Variants in ADARB2 observed in about 807,000 individuals in gnomAD.
ADARB2 encodes adenosine deaminase RNA specific B2 (inactive).
ADARB2 carries 25 observed loss-of-function variants against 62.2 expected under a neutral mutation model. The ratio of observed to expected loss-of-function variants is 0.40; its 90% CI spans 0.29 to 0.56. ADARB2 has a LOEUF of 0.56. Ranked by LOEUF, ADARB2 falls within the 20% of genes least tolerant of loss-of-function variation. The pLI is 0.43. For missense variants in ADARB2, 1,071 were observed against 1,077.4 expected (o/e 0.99, Z 0.08); for synonymous variants, 572 against 500.8 (o/e 1.14, Z -1.90).
intron 1 of ADARB2, among the ~76,000 whole-genome samples, chr10:1,525,706 G>A (rs931447456): frequency 6.6e-6 from 1 of 152,212 alleles, no homozygotes; most frequent in Non-Finnish European, 1.5e-5. Context: ...GCTAGCCGAG[G>A]CAGCTGGCCT....
chr10:1,528,989 T>C (rs1217985173), intron 1 of ADARB2, among the ~76,000 whole-genome samples: 3 of 152,170 alleles, frequency 2.0e-5, no homozygotes, highest in Non-Finnish European at 4.4e-5. Flanking sequence ...TTTGGACTAG[T>C]TTTTGGGACA....
At chr10:1,347,015 G>A (rs2387651) in intron 3 of ADARB2, among the ~76,000 whole-genome samples, 5 of 152,194 alleles carry the variant, frequency 3.3e-5, no homozygotes, top group Admixed American at 2.0e-4. Context: ...ATCTTAACAC[G>A]GGTTCTATTT....
At position 1,426,968 on chromosome 10, in the gene ADARB2, G is replaced by T. The variant is rs1199769269; in HGVS notation, c.101-47808C>A. ...TCGGGAAGAGGCCACAGAGCTATGT[G>T]TCGGCCCCACGCTTGGGCAGACCAC... On this transcript the variant is annotated intron_variant, in intron 1 of 9. Coordinates refer to ENST00000381312, the MANE Select transcript of ADARB2 (RefSeq NM_018702.4). This position sits in a 1 kb window ranked among gnomAD's most constrained non-coding sequence, Gnocchi z 4.1. Among the ~76,000 whole-genome samples the T allele has an allele frequency of 2.0e-5, 3 of 152,266 alleles. No individual in the cohort carries two copies. Among genetic ancestry groups the T allele is most frequent in the Non-Finnish European group, 2.9e-5 (2 of 68,052 alleles).
chr10:1,347,905 T>G (rs1832095056), intron 3 of ADARB2, among the ~76,000 whole-genome samples: 1 of 151,174 alleles, frequency 6.6e-6, no homozygotes, highest in African/African-American at 2.4e-5. Context: ...CAGAGAGGGA[T>G]ACGGAGACAG....
At chr10:1,355,850 T>C (rs904096535) in intron 3 of ADARB2, among the ~76,000 whole-genome samples, 4 of 152,240 alleles carry the variant, frequency 2.6e-5, no homozygotes, top group African/African-American at 9.6e-5. Context: ...ATGCTGTACA[T>C]TGTATATATG....
chr10:1,447,971 G>T (rs577616372), intron 1 of ADARB2, among the ~76,000 whole-genome samples: 2 of 152,258 alleles, frequency 1.3e-5, no homozygotes, highest in South Asian at 2.1e-4. Context: ...TCTGTATCCA[G>T]TCTACCACTG....
At chr10:1,582,051 A>G (rs1833110257) in intron 1 of ADARB2, among the ~76,000 whole-genome samples, 1 of 152,190 alleles carries the variant, frequency 6.6e-6, no homozygotes, top group Non-Finnish European at 1.5e-5. Flanking sequence ...GTCCGAGCAG[A>G]CCTTCTTAAT....
intron 1 of ADARB2, among the ~76,000 whole-genome samples, chr10:1,575,880 T>TC (rs1283655539): frequency 5.3e-5 from 7 of 132,264 alleles, no homozygotes; most frequent in African/African-American, 2.0e-4. Flanking sequence ...AGGAAACCCT[T>TC]CCTGTCAGAG....
intron 1 of ADARB2, among the ~76,000 whole-genome samples, chr10:1,413,686 G>T (rs759466307): frequency 6.6e-6 from 1 of 152,186 alleles, no homozygotes; most frequent in Non-Finnish European, 1.5e-5. Context: ...CGGGCCTTCT[G>T]TTCTGCCCAG....
chr10:1,266,972 A>G (rs1831210612), intron 4 of ADARB2, among the ~76,000 whole-genome samples: 1 of 152,208 alleles, frequency 6.6e-6, no homozygotes, highest in African/African-American at 2.4e-5. Flanking sequence ...TGAAGAGACA[A>G]ATTTTAAAAG....
At position 1,212,285 on chromosome 10, in the gene ADARB2, C is replaced by T. The variant is rs1002463116; in HGVS notation, c.1682+4666G>A. On this transcript the variant is annotated intron_variant, in intron 7 of 9. Coordinates refer to ENST00000381312, the MANE Select transcript of ADARB2 (RefSeq NM_018702.4). ...ATGGTCTCTCTGTACAAATAATGCACGGCCCAGATGCTTATGGTCTGGAAT... is the reference window on the plus strand; with the variant it reads ...ATGGTCTCTCTGTACAAATAATGCATGGCCCAGATGCTTATGGTCTGGAAT... Among the ~76,000 whole-genome samples the T allele has an allele frequency of 3.9e-5, 6 of 152,224 alleles. No individual in the cohort carries two copies. The East Asian group carries it at 9.6e-4, about 24-fold the overall frequency.
At chr10:1,381,658 T>TA (rs1267153990) in intron 1 of ADARB2, among the ~76,000 whole-genome samples, 2 of 152,074 alleles carry the variant, frequency 1.3e-5, no homozygotes, top group African/African-American at 4.8e-5. Flanking sequence ...TAGGCAGCCT[T>TA]AAAAAAAGGG....
chr10:1,462,835 T>C (rs1277147796), intron 1 of ADARB2, among the ~76,000 whole-genome samples: 1 of 152,172 alleles, frequency 6.6e-6, no homozygotes, highest in African/African-American at 2.4e-5. Flanking sequence ...TGTGCATGTG[T>C]GTATGTACAT....
chr10:1,484,329 C>T (rs964006643), intron 1 of ADARB2, among the ~76,000 whole-genome samples: 1 of 152,238 alleles, frequency 6.6e-6, no homozygotes, highest in South Asian at 2.1e-4. Context: ...CATGCACCCT[C>T]ACGTTAAACA....
At chr10:1,377,891 T>C (rs1445198769) in intron 2 of ADARB2, among the ~76,000 whole-genome samples, 1 of 152,184 alleles carries the variant, frequency 6.6e-6, no homozygotes, top group Non-Finnish European at 1.5e-5. Flanking sequence ...ATTATTATGC[T>C]GTCTGGGAAG....
chr10:1,258,202 A>C (rs6560721), intron 4 of ADARB2, among the ~76,000 whole-genome samples: 65,069 of 151,914 alleles, frequency 0.43, 14,237 homozygotes, highest in Non-Finnish European at 0.46. Context: ...TAGCATGGTT[A>C]AGGTAAATAT....
At chr10:1,351,074 C>T (rs1832132417) in intron 3 of ADARB2, among the ~76,000 whole-genome samples, 1 of 152,176 alleles carries the variant, frequency 6.6e-6, no homozygotes. Flanking sequence ...ACCCAGGATT[C>T]CTCCTAAGCC....
At chr10:1,229,807 T>TGC (rs1299519109) in intron 6 of ADARB2, among the ~76,000 whole-genome samples, 5 of 151,998 alleles carry the variant, frequency 3.3e-5, no homozygotes, top group Admixed American at 3.3e-4. Flanking sequence ...TGTGTGCGTG[T>TGC]ACATGTACTT....
chr10:1,480,556 G>C (rs1822277443), intron 1 of ADARB2, among the ~76,000 whole-genome samples: 1 of 152,156 alleles, frequency 6.6e-6, no homozygotes, highest in Non-Finnish European at 1.5e-5. Context: ...AAATTAGCTG[G>C]CCGTGGTGGC....
Sources: allele counts gnomAD v4.1 joint callset (sites outside exome capture counted in the v4.1 genomes callset), GRCh38; gene constraint gnomAD v4.1.1; non-coding constraint Gnocchi (gnomAD v3.1); transcripts MANE v1.5; gene names NCBI Gene and HGNC (gene_info 2026-07-23, HGNC 2026-07-21).